Variants in YTHDC2 observed in about 807,000 individuals in gnomAD.
YTHDC2 encodes the protein 3'-5' RNA helicase YTHDC2.
A neutral mutation model predicts 174.9 loss-of-function variants in YTHDC2; 45 were observed. The ratio of observed to expected loss-of-function variants is 0.26; its 90% confidence interval spans 0.20 to 0.33. The LOEUF (loss-of-function observed/expected upper bound fraction) is 0.33, where lower values mean the gene tolerates loss of function less well. YTHDC2 is among the 10% of genes least tolerant of loss of function. The pLI, the probability that YTHDC2 is intolerant of heterozygous loss-of-function variation, is 1.00. For missense variants in YTHDC2, 1,650 were observed against 1,723.7 expected (o/e 0.96, Z 0.76); for synonymous variants, 657 against 574.5 (o/e 1.14, Z -2.05).
chr5:113,562,678 C>G (rs751462367), intron 18 of YTHDC2, among the ~76,000 whole-genome samples: 3 of 152,122 alleles, frequency 2.0e-5, no homozygotes, highest in Admixed American at 6.5e-5. Flanking sequence ...TCTACTCTCT[C>G]CTTAGATTGT....
intron 27 of YTHDC2, among the ~76,000 whole-genome samples, chr5:113,591,715 C>T (rs1432146287): frequency 6.6e-6 from 1 of 151,712 alleles, no homozygotes; most frequent in Non-Finnish European, 1.5e-5. Context: ...AGCTTGTATC[C>T]ATTTATCATG....
chr5:113,553,440 A>G, intron 13 of YTHDC2, 81 bp downstream of exon 13: 1 of 1,437,952 alleles, frequency 7.0e-7, no homozygotes. Flanking sequence ...ATTTTTATAT[A>G]ATTGCACTGA....
At chr5:113,525,281 C>G in intron 3 of YTHDC2, 104 bp downstream of exon 3, 1 of 956,282 alleles carries the variant, frequency 1.0e-6, no homozygotes, top group Non-Finnish European at 1.5e-6. Flanking sequence ...TAAGATTTCT[C>G]AATTGGAATA....
intron 12 of YTHDC2, 103 bp downstream of exon 12, chr5:113,549,123 A>G (rs1394760886): frequency 4.2e-6 from 4 of 959,140 alleles, no homozygotes; most frequent in Non-Finnish European, 6.1e-6. Flanking sequence ...ATAGTCTTTT[A>G]TCCAGAGATT....
At chr5:113,527,855 C>G (rs796381479) in intron 4 of YTHDC2, among the ~76,000 whole-genome samples, 3 of 152,166 alleles carry the variant, frequency 2.0e-5, no homozygotes, top group African/African-American at 7.2e-5. Context: ...GTGGTGCTAT[C>G]TCGGCTTACT....
At chr5:113,523,942 G>C (rs1045063302) in intron 2 of YTHDC2, among the ~76,000 whole-genome samples, 2 of 151,814 alleles carry the variant, frequency 1.3e-5, no homozygotes, top group Admixed American at 6.6e-5. Flanking sequence ...GAAATATTTT[G>C]GGTAACTTAA....
At chr5:113,572,431 T>A (rs1777785533) in intron 23 of YTHDC2, among the ~76,000 whole-genome samples, 1 of 152,384 alleles carries the variant, frequency 6.6e-6, no homozygotes, top group South Asian at 2.1e-4. Flanking sequence ...ATGAGAAGAA[T>A]GTATATTCTC....
At chr5:113,558,671 C>T (rs535830464) in intron 17 of YTHDC2, among the ~76,000 whole-genome samples, 2 of 151,888 alleles carry the variant, frequency 1.3e-5, no homozygotes, top group Non-Finnish European at 2.9e-5. Flanking sequence ...TGTAGAAAAT[C>T]GAAGTGGATT....
At chr5:113,588,978 C>T (rs999664289) in intron 26 of YTHDC2, among the ~76,000 whole-genome samples, 2 of 152,024 alleles carry the variant, frequency 1.3e-5, no homozygotes, top group Admixed American at 1.3e-4. Context: ...TGTTTTCATA[C>T]ATTTTGTTTT....
At position 113,513,775 on chromosome 5, in the gene YTHDC2, C is replaced by A; in HGVS notation, c.-121C>A. On this transcript the variant is annotated 5_prime_UTR_variant, in exon 1 of 30. Transcript: ENST00000161863. ...ACTGAGGCCTTTCTGGTGACCTCAGCCCAACACAGGCCGTCTCCGGAGCTT... is the reference window on the plus strand; with the variant it reads ...ACTGAGGCCTTTCTGGTGACCTCAGACCAACACAGGCCGTCTCCGGAGCTT... 1 of 1,143,260 alleles carries A rather than the reference C, an allele frequency of 8.7e-7. No homozygotes were observed. The highest frequency in any genetic ancestry group is 1.2e-6 in the Non-Finnish European group (1 of 839,890). The allele number at this position is 1,143,260 out of a possible 1,614,324, so 70.8% of individuals were successfully genotyped here. A position where few individuals can be genotyped will look rare whatever the true frequency, so the allele number is the denominator to read the frequency against.
chr5:113,534,467 T>A, intron 6 of YTHDC2, 60 bp downstream of exon 6: 1 of 1,469,106 alleles, frequency 6.8e-7, no homozygotes, highest in Non-Finnish European at 9.5e-7. Context: ...TAAATACATA[T>A]GCCGTTTCAG....
chr5:113,525,167 A>C lies in YTHDC2; in HGVS notation c.465A>C (p.Ala155=). The C allele has an allele frequency of 6.3e-7, 1 of 1,595,162 alleles. No individual in the cohort carries two copies. Among genetic ancestry groups the C allele is most frequent in the South Asian group, 1.2e-5 (1 of 86,938 alleles). ...LPKTERGNVF[A]VEAENREMSK... ...AAACAGAAAGAGGAAATGTGTTTGC[A>C]GTTGAAGCTGGTATGTATTTTCTGG... The change falls in exon 3 of 30, where the codon GCA becomes GCC. Residue 155 remains alanine, a synonymous_variant. Transcript: ENST00000161863.
At chr5:113,571,155 T>A (rs187655840) in intron 23 of YTHDC2, among the ~76,000 whole-genome samples, 11 of 152,356 alleles carry the variant, frequency 7.2e-5, no homozygotes, top group Non-Finnish European at 1.6e-4. Flanking sequence ...ATATGTTCCT[T>A]TACTACCTAG....
chr5:113,514,121 A>T, intron 1 of YTHDC2, 39 bp downstream of exon 1: 4 of 1,581,538 alleles, frequency 2.5e-6, no homozygotes, highest in Non-Finnish European at 3.4e-6. Context: ...CAGTCAGGAT[A>T]CCCCCCTCAC....
chr5:113,567,318 T>C, intron 22 of YTHDC2, 21 bp downstream of exon 22: 3 of 1,585,264 alleles, frequency 1.9e-6, no homozygotes, highest in Non-Finnish European at 2.6e-6. Context: ...TTGAATGCTG[T>C]TGGGTTTTGA....
intron 10 of YTHDC2, among the ~76,000 whole-genome samples, chr5:113,546,248 C>T (rs996803178): frequency 2.6e-5 from 4 of 152,120 alleles, no homozygotes; most frequent in African/African-American, 9.7e-5. Context: ...TAAGTATTAT[C>T]CTTAGCTTTC....
rs778877756 is a variant in YTHDC2, at chr5:113,553,646, A to G, written c.1924A>G (p.Ile642Val). Residue 642 changes from isoleucine (I) to valine (V), a missense_variant, in exon 14 of 30, where the codon ATC becomes GTC. Ile to Val is a conservative substitution (Grantham distance 29). This residue lies in a region of YTHDC2 where 17 missense variants were observed against 37.3 expected (regional missense o/e 0.46). Coordinates refer to ENST00000161863, the MANE Select transcript of YTHDC2 (RefSeq NM_022828.5). ...CGAAATTGTTGGACTGAGAGATCGC[A>G]TCCTGTTTGATGACAAGCGGTTTGC... Reference protein sequence around the residue: ...YDEIVGLRDRILFDDKRFADS... With the variant: ...YDEIVGLRDRVLFDDKRFADS... The G allele has an allele frequency of 1.2e-6, 2 of 1,613,470 alleles. No individual in the cohort carries two copies. The highest frequency in any genetic ancestry group is 2.7e-5 in the African/African-American group (2 of 74,908).
intron 18 of YTHDC2, among the ~76,000 whole-genome samples, chr5:113,562,077 C>A (rs1036245926): frequency 6.7e-6 from 1 of 148,488 alleles, no homozygotes; most frequent in African/African-American, 2.5e-5. Context: ...TTATTTGATT[C>A]TTTAGTGTGT....
intron 4 of YTHDC2, among the ~76,000 whole-genome samples, chr5:113,528,769 A>G (rs889785586): frequency 1.3e-5 from 2 of 152,174 alleles, no homozygotes; most frequent in Admixed American, 6.5e-5. Flanking sequence ...TTGGCCTCCC[A>G]AAGTACTGGG....
Sources: gnomAD v4.1 joint callset for allele counts (sites outside exome capture counted in the v4.1 genomes callset) on GRCh38, gnomAD v4.1.1 for gene constraint, gnomAD v4.1.1 regional missense constraint, MANE v1.5 for transcripts, NCBI Gene and HGNC (gene_info 2026-07-23, HGNC 2026-07-21) for gene names.